Variants in LDLRAP1 observed in about 807,000 individuals in gnomAD.
The protein encoded by LDLRAP1 is low density lipoprotein receptor adaptor protein 1, also known as low density lipoprotein receptor adapter protein 1.
In LDLRAP1, 30 loss-of-function variants were observed where a neutral mutation model predicts 37.8. That is an observed-to-expected ratio of 0.79 (90% CI 0.59 to 1.08). The LOEUF is 1.08. Among genes scored for constraint, LDLRAP1 ranks in the 50% least tolerant of loss-of-function variants. The pLI is 0.00. For synonymous variants in LDLRAP1, 156 were observed against 169.8 expected, an observed-to-expected ratio of 0.92 and a Z score of 0.63; for missense variants, 375 against 401.6, an observed-to-expected ratio of 0.93 and a Z score of 0.57.
intron 1 of LDLRAP1, among the ~76,000 whole-genome samples, chr1:25,547,495 A>AATAG (rs1228299019): frequency 4.7e-4 from 68 of 146,016 alleles, no homozygotes; most frequent in African/African-American, 1.4e-3. Flanking sequence ...ATAATAAATA[A>AATAG]ATAAATAAAT....
At chr1:25,561,017 G>A (rs2044329824) in intron 4 of LDLRAP1, among the ~76,000 whole-genome samples, 1 of 152,256 alleles carries the variant, frequency 6.6e-6, no homozygotes, top group Non-Finnish European at 1.5e-5. Flanking sequence ...AGGGCAAAAA[G>A]GTAGGAATGT....
At chr1:25,577,633 G>C in the LDLRAP1 span, among the ~76,000 whole-genome samples, 7 of 152,200 alleles carry the variant, frequency 4.6e-5, no homozygotes, top group Non-Finnish European at 7.4e-5. Flanking sequence ...AGGAGGGGAA[G>C]GGCTCCAAGC....
chr1:25,552,037 G>A (rs72873730), intron 1 of LDLRAP1, among the ~76,000 whole-genome samples: 17,121 of 152,102 alleles, frequency 0.11, 2,587 homozygotes, highest in African/African-American at 0.35. Flanking sequence ...CCTCAGAGAG[G>A]GACAGTGGCT....
chr1:25,582,399 A>C, the LDLRAP1 span, among the ~76,000 whole-genome samples: 2 of 151,994 alleles, frequency 1.3e-5, no homozygotes, highest in African/African-American at 4.8e-5. Flanking sequence ...ATCCTGGCGA[A>C]CACGGTGAAA....
At position 25,552,162 on chromosome 1, in the gene LDLRAP1, A is replaced by G. The variant is rs140307908; in HGVS notation, c.89-1760A>G. On this transcript the variant is annotated intron_variant, in intron 1 of 8. Coordinates refer to ENST00000374338, the MANE Select transcript of LDLRAP1 (RefSeq NM_015627.3). ...TAGGATAGGAGCTGAGAGGGGCAGC[A>G]GGGATCCAGACTGGGTAGGGGACCT... Among the ~76,000 whole-genome samples the G allele has an allele frequency of 1.2e-4, 19 of 152,278 alleles. 1 individual carries two copies. Among genetic ancestry groups the G allele is most frequent in the African/African-American group, 3.6e-4 (15 of 41,578 alleles).
At chr1:25,585,728 G>A in the LDLRAP1 span, among the ~76,000 whole-genome samples, 1 of 152,178 alleles carries the variant, frequency 6.6e-6, no homozygotes, top group Non-Finnish European at 1.5e-5. Flanking sequence ...GGGGCAGTCT[G>A]TCCTGCCCCT....
chr1:25,585,860 T>C, the LDLRAP1 span, among the ~76,000 whole-genome samples: 162 of 152,338 alleles, frequency 1.1e-3, no homozygotes, highest in African/African-American at 3.8e-3. Context: ...GTAAGGCCTT[T>C]GCTGTCAGCA....
intron 4 of LDLRAP1, among the ~76,000 whole-genome samples, chr1:25,561,124 C>T (rs2044332640): frequency 6.6e-6 from 1 of 152,276 alleles, no homozygotes; most frequent in Admixed American, 6.5e-5. Flanking sequence ...ATCCCTGCCA[C>T]ATTGGGTGTC....
At chr1:25,550,701 T>C (rs1040206255) in intron 1 of LDLRAP1, among the ~76,000 whole-genome samples, 3 of 152,118 alleles carry the variant, frequency 2.0e-5, no homozygotes, top group Admixed American at 2.0e-4. Context: ...ACAGGTCCCA[T>C]CCCTGTCTGG....
chr1:25,554,210 C>CCTTG lies in LDLRAP1; in HGVS notation c.231+147_231+150dup, dbSNP rs1456581976. 1 of 1,067,478 alleles carries CCTTG rather than the reference C, an allele frequency of 9.4e-7. No individual in the cohort carries two copies. The highest frequency in any genetic ancestry group is 1.4e-6 in the Non-Finnish European group (1 of 735,450). The allele number at this position is 1,067,478 out of a possible 1,614,324, so 66.1% of individuals were successfully genotyped here. ...ATTCTCCTTCCATCCAGCTTTTGGG[C>CCTTG]CTTGGCAGAGGGGAACCATTGGACT... On this transcript the variant is annotated intron_variant, in intron 2 of 8. Coordinates refer to ENST00000374338, the MANE Select transcript of LDLRAP1 (RefSeq NM_015627.3). This position sits in a 1 kb window ranked among gnomAD's most constrained non-coding sequence, Gnocchi z 5.4.
rs567188434 is a variant in LDLRAP1 at position 25,545,560 on chromosome 1, T to TTAG, written c.88+1777_88+1779dup. 2.6e-4 allele frequency among the ~76,000 whole-genome samples: 39 copies of TTAG among 152,198 alleles called. No individual in the cohort carries two copies. In the South Asian group the frequency reaches 7.1e-3, roughly 28 times the overall value. On this transcript the variant is annotated intron_variant, in intron 1 of 8. Coordinates refer to ENST00000374338, the MANE Select transcript of LDLRAP1 (RefSeq NM_015627.3). ...TATCCTTGGGACGCTGCCAGCATGATTAGTACTGTGGTGAGATGGGTTTTG... is the reference window on the plus strand; with the variant it reads ...TATCCTTGGGACGCTGCCAGCATGATTAGTAGTACTGTGGTGAGATGGGTTTTG...
Position 25,567,007 on chromosome 1 carries a change from C to G in LDLRAP1, c.*15C>G. ...TCAGCTTCTGAGGGCCCGGGGCCAG[C>G]CGGACACAAGCGGCCCTGACACGTG... On this transcript the variant is annotated 3_prime_UTR_variant, in exon 9 of 9. Coordinates refer to ENST00000374338, the MANE Select transcript of LDLRAP1 (RefSeq NM_015627.3). 6.2e-7 allele frequency: 1 copy of G among 1,613,088 alleles called. No homozygotes were observed. The highest frequency in any genetic ancestry group is 8.5e-7 in the Non-Finnish European group (1 of 1,179,990).
At chr1:25,580,095 T>C in the LDLRAP1 span, among the ~76,000 whole-genome samples, 1 of 152,208 alleles carries the variant, frequency 6.6e-6, no homozygotes, top group Non-Finnish European at 1.5e-5. Context: ...AGGCTGGCAG[T>C]CAGGACACAG....
chr1:25,577,692 AG>A, the LDLRAP1 span, among the ~76,000 whole-genome samples: 2 of 152,184 alleles, frequency 1.3e-5, no homozygotes, highest in Non-Finnish European at 2.9e-5. Context: ...GGGACAAGAC[AG>A]GGTGCATAGC....
chr1:25,566,876 G>A lies in LDLRAP1; in HGVS notation c.811G>A (p.Val271Ile), dbSNP rs367832795. Residue 271 changes from valine to isoleucine, a missense_variant, in exon 9 of 9, where the codon GTC becomes ATC. Val to Ile is a conservative substitution (Grantham distance 29, BLOSUM62 3). Coordinates refer to ENST00000374338, the MANE Select transcript of LDLRAP1 (RefSeq NM_015627.3). ...RLAQSRTNPQ[V>I]LDTGLTAQDM... ...TGCCCAGTCTCGGACAAACCCTCAG[G>A]TCCTGGACACTGGCCTGACAGCCCA... 133 of 1,612,308 alleles carry A rather than the reference G, an allele frequency of 8.2e-5. No homozygotes were observed. Among genetic ancestry groups the A allele is most frequent in the Middle Eastern group, 6.6e-4 (4 of 6,082 alleles).
chr1:25,574,021 G>C, the LDLRAP1 span, among the ~76,000 whole-genome samples: 1 of 152,242 alleles, frequency 6.6e-6, no homozygotes, highest in African/African-American at 2.4e-5. Context: ...AAAGGGCGGT[G>C]GGGGGAAGGG....
intron 3 of LDLRAP1, among the ~76,000 whole-genome samples, chr1:25,556,805 G>A (rs1476518076): frequency 6.6e-6 from 1 of 152,238 alleles, no homozygotes; most frequent in Non-Finnish European, 1.5e-5. Flanking sequence ...GTAGCTTTGA[G>A]AATCACATGA....
chr1:25,560,852 A>C (rs1326391986), intron 4 of LDLRAP1, among the ~76,000 whole-genome samples: 1 of 152,238 alleles, frequency 6.6e-6, no homozygotes, highest in Non-Finnish European at 1.5e-5. Context: ...AGGCCTGAGC[A>C]GTCCCTCCAC....
the LDLRAP1 span, among the ~76,000 whole-genome samples, chr1:25,580,639 G>A: frequency 6.6e-5 from 10 of 152,116 alleles, no homozygotes; most frequent in African/African-American, 2.2e-4. Context: ...CCCCCAAGTA[G>A]CTGGGACCAC....
Sources: gnomAD v4.1 joint callset for allele counts (sites outside exome capture counted in the v4.1 genomes callset) on GRCh38, gnomAD v4.1.1 for gene constraint, Gnocchi (gnomAD v3.1) non-coding constraint, MANE v1.5 for transcripts, NCBI Gene and HGNC (gene_info 2026-07-23, HGNC 2026-07-21) for gene names.